The following ADAMTSL3 variants were observed in gnomAD, a reference collection of about 807,000 sequenced individuals.
ADAMTSL3 encodes ADAMTS like 3.
In ADAMTSL3, 128 loss-of-function variants were observed where a neutral mutation model predicts 201.7. That is an observed-to-expected ratio of 0.63 (90% CI 0.55 to 0.73). The LOEUF (loss-of-function observed/expected upper bound fraction) is 0.73. Ranked by LOEUF, ADAMTSL3 falls within the 30% of genes least tolerant of loss-of-function variation. ADAMTSL3 has a pLI of 0.00. For missense variants in ADAMTSL3, 1,990 were observed against 2,119.6 expected, an observed-to-expected ratio of 0.94 and a Z score of 1.20; for synonymous variants, 738 against 748.4, an observed-to-expected ratio of 0.99 and a Z score of 0.23.
intron 5 of ADAMTSL3, among the ~76,000 whole-genome samples, chr15:83,817,468 C>T (rs549463741): frequency 1.3e-5 from 2 of 152,132 alleles, no homozygotes; most frequent in South Asian, 4.1e-4. Flanking sequence ...CATTTCTAAG[C>T]CCATTAAAAA....
intron 19 of ADAMTSL3, among the ~76,000 whole-genome samples, chr15:83,966,346 A>G (rs1225621245): frequency 1.3e-5 from 2 of 151,370 alleles, no homozygotes; most frequent in East Asian, 3.9e-4. Context: ...AAATGATAAA[A>G]TCACCATTGA....
At chr15:83,974,496 A>G (rs1470497280) in intron 20 of ADAMTSL3, among the ~76,000 whole-genome samples, 1 of 152,190 alleles carries the variant, frequency 6.6e-6, no homozygotes, top group Non-Finnish European at 1.5e-5. Flanking sequence ...CACAGGATAA[A>G]ATGTAATAAG....
chr15:84,024,839 A>G (rs1182609990), intron 26 of ADAMTSL3, among the ~76,000 whole-genome samples: 1 of 152,250 alleles, frequency 6.6e-6, no homozygotes. Context: ...ACAAGCTAAC[A>G]TGTAAGTATC....
chr15:83,805,661 A>T (rs768796620), intron 5 of ADAMTSL3, among the ~76,000 whole-genome samples: 30 of 152,226 alleles, frequency 2.0e-4, no homozygotes, highest in Non-Finnish European at 4.1e-4. Context: ...GTAAGAGGCT[A>T]ACTAGAGGTA....
intron 7 of ADAMTSL3, among the ~76,000 whole-genome samples, chr15:83,842,621 A>T (rs2141989443): frequency 6.6e-6 from 1 of 152,376 alleles, no homozygotes; most frequent in African/African-American, 2.4e-5. Context: ...GAAAATCAAC[A>T]ATCAGTCCGT....
At chr15:83,699,151 C>T (rs1269500118) in intron 2 of ADAMTSL3, among the ~76,000 whole-genome samples, 3 of 151,966 alleles carry the variant, frequency 2.0e-5, no homozygotes, top group African/African-American at 4.8e-5. Flanking sequence ...TAAGTGATGA[C>T]TTCCAAATCC....
At chr15:83,950,543 G>A (rs2066738168) in intron 19 of ADAMTSL3, among the ~76,000 whole-genome samples, 1 of 152,044 alleles carries the variant, frequency 6.6e-6, no homozygotes, top group South Asian at 2.1e-4. Context: ...TGTGAAAAAT[G>A]TCATTGATAT....
chr15:83,918,681 C>T (rs924705693), intron 16 of ADAMTSL3, among the ~76,000 whole-genome samples: 1 of 152,090 alleles, frequency 6.6e-6, no homozygotes, highest in African/African-American at 2.4e-5. Context: ...AAGGCAGAGG[C>T]CAGACAATTA....
intron 2 of ADAMTSL3, among the ~76,000 whole-genome samples, chr15:83,673,051 G>A (rs2061348515): frequency 3.3e-5 from 5 of 152,236 alleles, no homozygotes; most frequent in African/African-American, 4.8e-5. Context: ...CATTGTCAGA[G>A]CCAGGAAAGC....
intron 16 of ADAMTSL3, among the ~76,000 whole-genome samples, chr15:83,915,503 T>C (rs1204060888): frequency 4.3e-5 from 1 of 23,486 alleles, no homozygotes; most frequent in Non-Finnish European, 6.4e-5. Flanking sequence ...TCCTCTTTTG[T>C]TTTTTTTCAG....
rs780806165 is a variant in ADAMTSL3 at position 83,890,195 on chromosome 15, G to A, written c.1159G>A (p.Val387Ile). 1.9e-6 allele frequency: 3 copies of A among 1,614,020 alleles called. No individual in the cohort carries two copies. Among genetic ancestry groups the A allele is most frequent in the Non-Finnish European group, 2.5e-6 (3 of 1,179,916 alleles). ...TTATTGTCACTACTACCCTGAAAAT[G>A]TAAAACCAAAACCAAAACTGAAGGA... is the stretch of plus-strand genomic sequence containing the variant. ...DHYCHYYPEN[V>I]KPKPKLKECS... Residue 387 changes from valine (V) to isoleucine (I), a missense_variant, in exon 11 of 30, where the codon GTA (valine) becomes ATA (isoleucine). Transcript: ENST00000286744.
intron 5 of ADAMTSL3, among the ~76,000 whole-genome samples, chr15:83,814,647 T>G (rs2063746015): frequency 6.6e-6 from 1 of 152,224 alleles, no homozygotes. Context: ...CTAGAAATGT[T>G]GTCATTTGTT....
chr15:83,813,586 C>T (rs943622295), intron 5 of ADAMTSL3, among the ~76,000 whole-genome samples: 7 of 152,150 alleles, frequency 4.6e-5, no homozygotes, highest in Non-Finnish European at 1.0e-4. Context: ...ATCCAGGCCA[C>T]GAGGACCACA....
At chr15:83,678,170 C>T (rs546944147) in intron 2 of ADAMTSL3, among the ~76,000 whole-genome samples, 4 of 152,188 alleles carry the variant, frequency 2.6e-5, no homozygotes, top group Non-Finnish European at 2.9e-5. Flanking sequence ...CTGTCAAATA[C>T]GTTTAACAAA....
chr15:84,010,102 T>C (rs1240319525), intron 23 of ADAMTSL3, among the ~76,000 whole-genome samples: 1 of 152,252 alleles, frequency 6.6e-6, no homozygotes, highest in Non-Finnish European at 1.5e-5. Context: ...CTTTTAGAAA[T>C]GTTCAGTCAT....
intron 6 of ADAMTSL3, among the ~76,000 whole-genome samples, chr15:83,828,200 G>C (rs569582312): frequency 2.8e-4 from 42 of 152,100 alleles, no homozygotes; most frequent in African/African-American, 8.9e-4. Context: ...CTTTTATTTC[G>C]TTGAGCAGTG....
At chr15:83,841,107 G>A (rs1477589290) in intron 7 of ADAMTSL3, among the ~76,000 whole-genome samples, 3 of 152,202 alleles carry the variant, frequency 2.0e-5, no homozygotes, top group African/African-American at 7.2e-5. Context: ...CAGAATTATG[G>A]TGTGTGACAC....
intron 19 of ADAMTSL3, among the ~76,000 whole-genome samples, chr15:83,945,170 A>C (rs1460182529): frequency 6.6e-6 from 1 of 152,156 alleles, no homozygotes; most frequent in Non-Finnish European, 1.5e-5. Flanking sequence ...CCTAGGATCC[A>C]GCCACCAATA....
chr15:83,999,206 T>G (rs937527014), intron 23 of ADAMTSL3, among the ~76,000 whole-genome samples: 5 of 152,252 alleles, frequency 3.3e-5, no homozygotes, highest in African/African-American at 1.2e-4. Flanking sequence ...TATCATTTAA[T>G]AGCCACACCA....
Sources: gnomAD v4.1 joint callset for allele counts (sites outside exome capture counted in the v4.1 genomes callset) on GRCh38, gnomAD v4.1.1 for gene constraint, MANE v1.5 for transcripts, NCBI Gene and HGNC (gene_info 2026-07-23, HGNC 2026-07-21) for gene names.